The following BTN3A1 variants were observed in gnomAD, a reference collection of about 807,000 sequenced individuals.
The protein encoded by BTN3A1 is butyrophilin subfamily 3 member A1.
A neutral mutation model predicts 43.0 loss-of-function variants in BTN3A1; 24 were observed. The observed-to-expected ratio is 0.56, with a 90% CI of 0.40 to 0.78. The LOEUF is 0.78. Among genes scored for constraint, BTN3A1 ranks in the 30% least tolerant of loss-of-function variants. The pLI, the probability that BTN3A1 is intolerant of heterozygous loss-of-function variation, is 0.00. For missense variants in BTN3A1, 533 were observed against 626.2 expected (o/e 0.85, Z 1.59); for synonymous variants, 181 against 234.7 (o/e 0.77, Z 2.09).
At chr6:26,404,569 C>T (rs1050134044) in intron 1 of BTN3A1, 1 of 152,160 alleles carries the variant, frequency 6.6e-6, no homozygotes, top group African/African-American at 2.4e-5. Flanking sequence ...CTCTTTTTAC[C>T]TGCTGCATTG....
chr6:26,410,766 T>A (rs1188497305), intron 7 of BTN3A1, among the ~76,000 whole-genome samples: 1 of 149,584 alleles, frequency 6.7e-6, no homozygotes, highest in Non-Finnish European at 1.5e-5. Context: ...CATATATATG[T>A]GCATATATAT....
In BTN3A1 at chr6:26,413,791, G is replaced by C; in HGVS notation, c.*99G>C. On this transcript the variant is annotated 3_prime_UTR_variant, in exon 10 of 10. Coordinates refer to ENST00000289361, the MANE Select transcript of BTN3A1 (RefSeq NM_007048.6). ...AGCTAACGAAAGTGGGGAGCCTCAG[G>C]CTGAAGTAACTTTTCTCTGCTTCTC... 6.3e-7 allele frequency: 1 copy of C among 1,599,866 alleles called. No homozygotes were observed.
At chr6:26,407,545 A>T in intron 3 of BTN3A1, 126 bp from the exon 4 acceptor site, 1 of 1,239,140 alleles carries the variant, frequency 8.1e-7, no homozygotes, top group Non-Finnish European at 1.1e-6. Context: ...CTAGGACCAC[A>T]CTTTTGTAAG....
intron 9 of BTN3A1, chr6:26,412,964 C>T: frequency 6.9e-7 from 1 of 1,457,676 alleles, no homozygotes; most frequent in African/African-American, 1.4e-5. Flanking sequence ...CCTCATTTCA[C>T]CCTCCTCTTC....
At chr6:26,403,780 T>G (rs1056261066) in intron 1 of BTN3A1, among the ~76,000 whole-genome samples, 3 of 152,156 alleles carry the variant, frequency 2.0e-5, no homozygotes, top group Admixed American at 6.5e-5. Context: ...CATCTCAACT[T>G]CCCAAATTGC....
rs1386088852 is a variant in BTN3A1, at chr6:26,405,642, C to T, written c.79C>T (p.His27Tyr). ...CCTTTTGCTTCAGCTGCTCATGCCT[C>T]ACTCAGGTAGGGAACAATTCCACGC... is the stretch of plus-strand genomic sequence containing the variant. ...CLLLLQLLMP[H>Y]SAQFSVLGPS... The change falls in exon 2 of 10, where the codon CAC becomes TAC. Residue 27 changes from histidine to tyrosine, a missense_variant. Around this residue, in one of 4 missense-constraint regions of BTN3A1, gnomAD observed 56 missense variants for 67.1 expected, o/e 0.83. Coordinates refer to ENST00000289361, the MANE Select transcript of BTN3A1 (RefSeq NM_007048.6). 2.5e-6 allele frequency: 4 copies of T among 1,614,046 alleles called. No individual in the cohort carries two copies. Among genetic ancestry groups the T allele is most frequent in the East Asian group, 2.2e-5 (1 of 44,900 alleles).
At chr6:26,411,045 A>G in intron 7 of BTN3A1, 64 bp from the exon 8 acceptor site, 1 of 1,279,646 alleles carries the variant, frequency 7.8e-7, no homozygotes, top group Non-Finnish European at 1.1e-6. Context: ...TGTAAAGTTA[A>G]GGGAATGGGG....
chr6:26,413,858 C>T lies in BTN3A1; in HGVS notation c.*166C>T. ...CTGAGGGCCTCCCCCTCCACAGCAA[C>T]CAATCACAACCATAAAGCTACAAGC... On this transcript the variant is annotated 3_prime_UTR_variant, in exon 10 of 10. Coordinates refer to ENST00000289361, the MANE Select transcript of BTN3A1 (RefSeq NM_007048.6). The T allele has an allele frequency of 7.8e-7, 1 of 1,289,954 alleles. No homozygotes were observed. Among genetic ancestry groups the T allele is most frequent in the Non-Finnish European group, 1.1e-6 (1 of 919,122 alleles). 79.9% of individuals were successfully genotyped at this position (1,289,954 alleles called of 1,614,324 possible).
chr6:26,409,608 G>C lies in BTN3A1; in HGVS notation c.791G>C (p.Gly264Ala), dbSNP rs1213846311. ...CTGCCTGTCTTGCTGCTGCTTCTTG[G>C]GGGAGCCGGTTACTTCCTGTGGCAA... ...GTLPVLLLLLGGAGYFLWQQQ... is the reference protein window; with the variant it reads ...GTLPVLLLLLAGAGYFLWQQQ... Residue 264 changes from glycine to alanine, a missense_variant, in exon 5 of 10, where the codon GGG becomes GCG. This residue lies in a region of BTN3A1 where 415 missense variants were observed against 427.0 expected (regional missense o/e 0.97). Transcript: ENST00000289361. 12 of 1,612,238 alleles carry C rather than the reference G, an allele frequency of 7.4e-6. No homozygotes were observed. In the African/African-American group the frequency reaches 1.2e-4, roughly 16 times the overall value.
In BTN3A1 at chr6:26,411,093, C is replaced by G. The variant is rs779103497; in HGVS notation, c.965-16C>G. The G allele has an allele frequency of 6.3e-7, 1 of 1,575,986 alleles. No individual in the cohort carries two copies. The highest frequency in any genetic ancestry group is 1.1e-5 in the South Asian group (1 of 88,822). ...TGGCAAGTTCAGGTGACATCTCTATCTTTTTTTCATTGTAGGGGGAGAGAG... is the reference window on the plus strand; with the variant it reads ...TGGCAAGTTCAGGTGACATCTCTATGTTTTTTTCATTGTAGGGGGAGAGAG... On this transcript the variant is annotated splice_polypyrimidine_tract_variant and intron_variant, in intron 7 of 9. Transcript: ENST00000289361.
rs1321727434 is a variant in BTN3A1 at position 26,412,097 on chromosome 6, A to G, written c.1018+516A>G. The G allele has an allele frequency of 1.9e-5, 5 of 267,830 alleles. No homozygotes were observed. In the East Asian group the frequency reaches 3.8e-4, roughly 20 times the overall value. The allele number at this position is 267,830 out of a possible 1,614,324, so 16.6% of individuals were successfully genotyped here. Reference sequence around the variant, plus strand: ...AATAATAAATATCCATTGGTCAAAAACCTTAAGAAGGAGATGATGAGTTCA... The same window carrying G: ...AATAATAAATATCCATTGGTCAAAAGCCTTAAGAAGGAGATGATGAGTTCA... On this transcript the variant is annotated intron_variant, in intron 9 of 9. Transcript: ENST00000289361.
Position 26,413,875 on chromosome 6 carries a change from G to A in BTN3A1, c.*183G>A. The A allele has an allele frequency of 8.4e-7, 1 of 1,186,688 alleles. No homozygotes were observed. Among genetic ancestry groups the A allele is most frequent in the Admixed American group, 2.1e-5 (1 of 46,914 alleles). The allele number at this position is 1,186,688 out of a possible 1,614,324, so 73.5% of individuals were successfully genotyped here. ...CACAGCAACCAATCACAACCATAAA[G>A]CTACAAGCACGCACTGAAGCACTTT... is the stretch of plus-strand genomic sequence containing the variant. On this transcript the variant is annotated 3_prime_UTR_variant, in exon 10 of 10. Coordinates refer to ENST00000289361, the MANE Select transcript of BTN3A1 (RefSeq NM_007048.6).
rs1554132402 is a variant in BTN3A1 at position 26,409,988 on chromosome 6, C to T, written c.938-18C>T. 2 of 1,614,194 alleles carry T rather than the reference C, an allele frequency of 1.2e-6. No individual in the cohort carries two copies. The highest frequency in any genetic ancestry group is 2.2e-5 in the East Asian group (1 of 44,880). ...TTTATGCGCCTTGATGCATCTTCCC[C>T]TGTTCCTTCCGTTGCAGGATGGAGA... On this transcript the variant is annotated intron_variant, in intron 6 of 9. Coordinates refer to ENST00000289361, the MANE Select transcript of BTN3A1 (RefSeq NM_007048.6).
chr6:26,403,773 C>A (rs1761925061), intron 1 of BTN3A1, among the ~76,000 whole-genome samples: 1 of 152,118 alleles, frequency 6.6e-6, no homozygotes, highest in African/African-American at 2.4e-5. Flanking sequence ...ATCCTCCCAT[C>A]TCAACTTCCC....
At position 26,407,754 on chromosome 6, in the gene BTN3A1, C is replaced by T. The variant is rs533940581; in HGVS notation, c.517C>T (p.Pro173Ser). The T allele has an allele frequency of 8.7e-6, 14 of 1,614,022 alleles. No individual in the cohort carries two copies. The highest frequency in any genetic ancestry group is 2.7e-5 in the African/African-American group (2 of 74,904). The change falls in exon 4 of 10, where the codon CCC (proline) becomes TCC (serine). Residue 173 changes from proline to serine, a missense_variant. Physicochemically the swap from Pro to Ser is moderately conservative, Grantham distance 74. Transcript: ENST00000289361. Reference sequence around the variant, plus strand: ...GGAGTGCAGGTCCACTGGCTGGTACCCCCAACCCCAAATACAGTGGAGCAA... The same window carrying T: ...GGAGTGCAGGTCCACTGGCTGGTACTCCCAACCCCAAATACAGTGGAGCAA... ...HLECRSTGWY[P>S]QPQIQWSNNK...
chr6:26,407,795 C>T lies in BTN3A1; in HGVS notation c.558C>T (p.Asn186=), dbSNP rs1346764917. The T allele has an allele frequency of 2.5e-6, 4 of 1,614,220 alleles. No homozygotes were observed. The highest frequency in any genetic ancestry group is 2.2e-5 in the East Asian group (1 of 44,890). Residue 186 remains asparagine, a synonymous_variant, in exon 4 of 10, where the codon AAC becomes AAT. Transcript: ENST00000289361. The stretch of plus-strand genomic sequence containing the variant: ...AGTGGAGCAACAACAAGGGAGAGAA[C>T]ATCCCGACTGTGGAAGCACCTGTGG... ...QIQWSNNKGE[N]IPTVEAPVVA...
In BTN3A1 at chr6:26,412,169, A is replaced by G. The variant is rs1356494459; in HGVS notation, c.1018+588A>G. ...CAGAAAGGAGGGTTAAGGGAAAGCA[A>G]CAAGGAAAAGTGCAGTGCCCCCATG... On this transcript the variant is annotated intron_variant, in intron 9 of 9. Coordinates refer to ENST00000289361, the MANE Select transcript of BTN3A1 (RefSeq NM_007048.6). The G allele has an allele frequency of 6.9e-6, 3 of 435,284 alleles. No homozygotes were observed. The East Asian group carries it at 1.2e-4, about 17-fold the overall frequency. 27.0% of individuals were successfully genotyped at this position (435,284 alleles called of 1,614,324 possible). A position where few individuals can be genotyped will look rare whatever the true frequency, so the allele number is the denominator to read the frequency against.
At chr6:26,403,947 G>C (rs1484527814) in intron 1 of BTN3A1, among the ~76,000 whole-genome samples, 1 of 152,120 alleles carries the variant, frequency 6.6e-6, no homozygotes, top group Non-Finnish European at 1.5e-5. Flanking sequence ...TTAACTCAGG[G>C]AAAATGATAA....
Position 26,414,845 on chromosome 6 carries a change from C to G in BTN3A1, c.*1153C>G, listed in dbSNP as rs1762334531. 6.6e-6 allele frequency: 1 copy of G among 152,114 alleles called. No homozygotes were observed. The highest frequency in any genetic ancestry group is 1.5e-5 in the Non-Finnish European group (1 of 68,032). The allele number at this position is 152,114 out of a possible 1,614,324, so 9.4% of individuals were successfully genotyped here. A position where few individuals can be genotyped will look rare whatever the true frequency, so the allele number is the denominator to read the frequency against. ...GGAATATAGGTGCACGCCACCACAC[C>G]CAACAAATTTTTGTACTTTTAGTAC... On this transcript the variant is annotated 3_prime_UTR_variant, in exon 10 of 10. Transcript: ENST00000289361.
Sources: gnomAD v4.1 joint callset for allele counts (sites outside exome capture counted in the v4.1 genomes callset) on GRCh38, gnomAD v4.1.1 for gene constraint, gnomAD v4.1.1 regional missense constraint, MANE v1.5 for transcripts, NCBI Gene and HGNC (gene_info 2026-07-23, HGNC 2026-07-21) for gene names.